Variants in ACSL5 observed in about 807,000 individuals in gnomAD.
ACSL5 encodes long-chain-fatty-acid--CoA ligase 5.
A neutral mutation model predicts 84.9 loss-of-function variants in ACSL5; 50 were observed. The observed-to-expected ratio is 0.59, with a 90% CI of 0.47 to 0.75. ACSL5 has a LOEUF of 0.75. Among genes scored for constraint, ACSL5 ranks in the 30% least tolerant of loss-of-function variants. The pLI, the probability that ACSL5 is intolerant of heterozygous loss-of-function variation, is 0.00. For missense variants in ACSL5, 775 were observed against 830.4 expected, an observed-to-expected ratio of 0.93 and a Z score of 0.82; for synonymous variants, 280 against 300.7, an observed-to-expected ratio of 0.93 and a Z score of 0.71.
At chr10:112,420,875 C>A (rs536065515) in intron 14 of ACSL5, among the ~76,000 whole-genome samples, 1 of 152,062 alleles carries the variant, frequency 6.6e-6, no homozygotes, top group African/African-American at 2.4e-5. Context: ...GCATGTGCCA[C>A]CAGGCCCGGC....
intron 3 of ACSL5, among the ~76,000 whole-genome samples, chr10:112,403,654 G>A (rs934507284): frequency 6.6e-6 from 1 of 152,216 alleles, no homozygotes; most frequent in East Asian, 1.9e-4. Context: ...TATGATAGGA[G>A]AAAAGTGAAT....
intron 1 of ACSL5, among the ~76,000 whole-genome samples, chr10:112,377,543 A>T (rs1849264706): frequency 6.6e-6 from 1 of 152,142 alleles, no homozygotes; most frequent in Non-Finnish European, 1.5e-5. Flanking sequence ...CAAAAACAAC[A>T]CACAAACAAA....
intron 9 of ACSL5, 104 bp downstream of exon 9, chr10:112,410,739 A>G (rs1233777721): frequency 9.1e-6 from 11 of 1,203,050 alleles, no homozygotes; most frequent in South Asian, 4.2e-5. Context: ...AAAGAGCCCT[A>G]TACTTAGGGG....
At chr10:112,374,767 C>T (rs1333005346) in intron 1 of ACSL5, among the ~76,000 whole-genome samples, 2 of 152,158 alleles carry the variant, frequency 1.3e-5, no homozygotes, top group African/African-American at 4.8e-5. Flanking sequence ...AGGTGGTATC[C>T]TTCCCATTTC....
intron 2 of ACSL5, 126 bp from the exon 3 acceptor site, chr10:112,398,775 C>A: frequency 1.4e-6 from 1 of 727,564 alleles, no homozygotes; most frequent in Non-Finnish European, 2.4e-6. Flanking sequence ...AATCAATTGA[C>A]TAGCGAAGAG....
chr10:112,402,568 T>C (rs1843933654), intron 3 of ACSL5, among the ~76,000 whole-genome samples: 1 of 152,174 alleles, frequency 6.6e-6, no homozygotes, highest in African/African-American at 2.4e-5. Flanking sequence ...TTCTAAGGCT[T>C]TCATGCAGCT....
chr10:112,427,186 T>C, intron 20 of ACSL5, 32 bp from the exon 21 acceptor site: 1 of 1,586,830 alleles, frequency 6.3e-7, no homozygotes, highest in Non-Finnish European at 8.6e-7. Flanking sequence ...AAATCACTAA[T>C]GAGCATGGAT....
intron 12 of ACSL5, among the ~76,000 whole-genome samples, chr10:112,415,997 G>A (rs182956356): frequency 1.3e-5 from 2 of 152,250 alleles, no homozygotes; most frequent in Admixed American, 6.5e-5. Flanking sequence ...CTGGAAAAAT[G>A]GTGTCAGAAT....
chr10:112,402,727 G>A (rs185429519), intron 3 of ACSL5, among the ~76,000 whole-genome samples: 25 of 151,930 alleles, frequency 1.6e-4, no homozygotes, highest in African/African-American at 4.8e-4. Context: ...ACTTGCCTCC[G>A]AATTCCTAGT....
chr10:112,421,166 G>A (rs1844452711), intron 14 of ACSL5, among the ~76,000 whole-genome samples: 1 of 150,720 alleles, frequency 6.6e-6, no homozygotes, highest in Admixed American at 6.6e-5. Context: ...TTGTTTGTTT[G>A]TTTGTTTTTT....
chr10:112,376,174 A>G (rs1849234231), intron 1 of ACSL5: 1 of 1,255,496 alleles, frequency 8.0e-7, no homozygotes, highest in Non-Finnish European at 1.1e-6. Flanking sequence ...GAACACTTCC[A>G]CTTTCAGTTG....
chr10:112,401,829 TTTCTTTCTTTCTTCC>T (rs1443168483), intron 3 of ACSL5, among the ~76,000 whole-genome samples: 147 of 111,702 alleles, frequency 1.3e-3, no homozygotes, highest in African/African-American at 4.4e-3. Flanking sequence ...TCTTTCTTTC[TTTCTTTCTTTCTTCC>T]TTCCTTCCTT....
intron 14 of ACSL5, chr10:112,418,997 C>A (rs1269349224): frequency 1.3e-5 from 2 of 152,122 alleles, no homozygotes; most frequent in African/African-American, 4.8e-5. Flanking sequence ...TATTAATGGA[C>A]ACTTGAGTTG....
chr10:112,383,155 C>G (rs1849384291), intron 1 of ACSL5, among the ~76,000 whole-genome samples: 2 of 152,192 alleles, frequency 1.3e-5, no homozygotes, highest in Admixed American at 6.5e-5. Context: ...TGTGGTTGTG[C>G]ACACCTGTAG....
intron 19 of ACSL5, 61 bp downstream of exon 19, chr10:112,426,420 C>T (rs149270456): frequency 7.2e-7 from 1 of 1,397,642 alleles, no homozygotes; most frequent in East Asian, 2.3e-5. Context: ...GGAGAGGATG[C>T]CTCACCAGTT....
chr10:112,382,666 C>T (rs1006173665), intron 1 of ACSL5, among the ~76,000 whole-genome samples: 2 of 152,178 alleles, frequency 1.3e-5, no homozygotes, highest in Admixed American at 1.3e-4. Flanking sequence ...GCATCGAACG[C>T]CCTAATGATT....
At position 112,417,915 on chromosome 10, in the gene ACSL5, T is replaced by G. The variant is rs1854319700; in HGVS notation, c.1288T>G (p.Phe430Val). The G allele has an allele frequency of 2.5e-6, 4 of 1,612,266 alleles. No homozygotes were observed. The highest frequency in any genetic ancestry group is 2.5e-6 in the Non-Finnish European group (3 of 1,179,190). ...AAPMSTSVMT[F>V]FRAAMGCQVY... ...CCCCATGTCCACTTCAGTCATGACATTCTTCCGGGCAGCAATGGGATGTCA... is the reference window on the plus strand; with the variant it reads ...CCCCATGTCCACTTCAGTCATGACAGTCTTCCGGGCAGCAATGGGATGTCA... The change falls in exon 14 of 21, where the codon TTC becomes GTC. Residue 430 changes from phenylalanine to valine, a missense_variant. Coordinates refer to ENST00000354655, the MANE Select transcript of ACSL5 (RefSeq NM_203379.2).
intron 1 of ACSL5, among the ~76,000 whole-genome samples, chr10:112,381,665 C>CAAAAAA (rs35097669): frequency 9.5e-6 from 1 of 104,824 alleles, no homozygotes. Flanking sequence ...GAGACTGTCT[C>CAAAAAA]AAAAAAAAAA....
intron 5 of ACSL5, chr10:112,406,809 A>C (rs1165469299): frequency 3.3e-5 from 5 of 152,282 alleles, no homozygotes; most frequent in Non-Finnish European, 5.9e-5. Context: ...GAAAGAAAAG[A>C]ATGAGAGCAA....
Sources: gnomAD v4.1 joint callset for allele counts (sites outside exome capture counted in the v4.1 genomes callset) on GRCh38, gnomAD v4.1.1 for gene constraint, MANE v1.5 for transcripts, NCBI Gene and HGNC (gene_info 2026-07-23, HGNC 2026-07-21) for gene names.